The following SDK1 variants were observed in gnomAD, a reference collection of about 807,000 sequenced individuals.
SDK1 encodes the protein sidekick cell adhesion molecule 1.
SDK1 carries 157 observed loss-of-function variants against 245.5 expected under a neutral mutation model. That is an observed-to-expected ratio of 0.64 (90% CI 0.56 to 0.73). SDK1 has a LOEUF of 0.73. Among genes scored for constraint, SDK1 ranks in the 30% least tolerant of loss-of-function variants. The probability of loss-of-function intolerance (pLI) is 0.00; values close to 1 mark genes in which losing one functional copy is unlikely to be tolerated. For synonymous variants in SDK1, 1,647 were observed against 1,278.5 expected (o/e 1.29, Z -6.15); for missense variants, 3,583 against 3,002.3 (o/e 1.19, Z -4.52).
At chr7:3,555,282 C>G (rs903402831) in intron 1 of SDK1, among the ~76,000 whole-genome samples, 2 of 152,124 alleles carry the variant, frequency 1.3e-5, no homozygotes, top group Non-Finnish European at 2.9e-5. Context: ...AATCTATACA[C>G]CTACAGTGAA....
intron 5 of SDK1, among the ~76,000 whole-genome samples, chr7:3,948,928 A>G (rs971118200): frequency 2.0e-5 from 3 of 152,198 alleles, no homozygotes; most frequent in Admixed American, 6.5e-5. Context: ...TTCACTTCAC[A>G]TAACTATTTG....
intron 1 of SDK1, among the ~76,000 whole-genome samples, chr7:3,498,803 G>C (rs755781024): frequency 2.0e-5 from 3 of 148,240 alleles, no homozygotes; most frequent in Non-Finnish European, 3.0e-5. Flanking sequence ...GCATGTTCTT[G>C]TATGCTGATG....
At chr7:3,989,769 C>T (rs1295615194) in intron 14 of SDK1, among the ~76,000 whole-genome samples, 2 of 152,226 alleles carry the variant, frequency 1.3e-5, no homozygotes, top group African/African-American at 4.8e-5. Flanking sequence ...AGATAACTCA[C>T]TTTATTTCTC....
intron 4 of SDK1, among the ~76,000 whole-genome samples, chr7:3,791,430 A>G (rs1179491273): frequency 6.6e-6 from 1 of 152,208 alleles, no homozygotes; most frequent in Non-Finnish European, 1.5e-5. Context: ...GAGCATAAGG[A>G]AAGACTGACT....
intron 35 of SDK1, among the ~76,000 whole-genome samples, chr7:4,197,045 G>A (rs751997334): frequency 6.6e-6 from 1 of 152,210 alleles, no homozygotes; most frequent in Non-Finnish European, 1.5e-5. Context: ...TAATGGGAGT[G>A]GCCTCCAACG....
chr7:3,784,049 G>T (rs927965520), intron 4 of SDK1, among the ~76,000 whole-genome samples: 2 of 151,364 alleles, frequency 1.3e-5, no homozygotes, highest in Non-Finnish European at 2.9e-5. Flanking sequence ...CCATGCATAT[G>T]ATTTAAATTT....
chr7:4,016,062 T>G (rs967304185), intron 16 of SDK1, among the ~76,000 whole-genome samples: 2 of 152,254 alleles, frequency 1.3e-5, no homozygotes, highest in African/African-American at 4.8e-5. Flanking sequence ...GTCAGCAGCC[T>G]TACTGATGTT....
At chr7:3,902,196 G>A (rs774628713) in intron 5 of SDK1, among the ~76,000 whole-genome samples, 7 of 152,152 alleles carry the variant, frequency 4.6e-5, no homozygotes, top group Non-Finnish European at 8.8e-5. Flanking sequence ...AAATGTGCGC[G>A]TGTGCATGTG....
At chr7:4,071,716 A>G (rs1387293875) in intron 20 of SDK1, among the ~76,000 whole-genome samples, 1 of 152,228 alleles carries the variant, frequency 6.6e-6, no homozygotes, top group Non-Finnish European at 1.5e-5. Context: ...TTTCCAGTTC[A>G]GACCCTTCAG....
chr7:4,025,407 G>C (rs973571662), intron 17 of SDK1, among the ~76,000 whole-genome samples: 6 of 152,226 alleles, frequency 3.9e-5, no homozygotes, highest in Admixed American at 1.3e-4. Context: ...GCGGAGGACT[G>C]GGGTGGAGCA....
At chr7:3,517,101 ACTGAAC>A (rs1253912836) in intron 1 of SDK1, among the ~76,000 whole-genome samples, 1 of 152,178 alleles carries the variant, frequency 6.6e-6, no homozygotes, top group African/African-American at 2.4e-5. Context: ...GAAAATCATT[ACTGAAC>A]CTAGTTACAT....
intron 4 of SDK1, among the ~76,000 whole-genome samples, chr7:3,820,723 A>C (rs573059661): frequency 7.2e-5 from 11 of 152,196 alleles, no homozygotes; most frequent in Non-Finnish European, 1.0e-4. Context: ...AAGACAAGCA[A>C]CTTAACTTCT....
intron 4 of SDK1, among the ~76,000 whole-genome samples, chr7:3,684,299 C>A (rs1338521211): frequency 2.0e-5 from 3 of 152,184 alleles, no homozygotes; most frequent in African/African-American, 7.2e-5. Context: ...AGGAACTGAC[C>A]TTCAGTCCCA....
chr7:3,995,507 C>A (rs1784634411), intron 14 of SDK1, among the ~76,000 whole-genome samples: 1 of 152,222 alleles, frequency 6.6e-6, no homozygotes, highest in African/African-American at 2.4e-5. Flanking sequence ...GTTGCCTCAG[C>A]AGTGCTGAAT....
At chr7:3,360,332 A>C (rs141340002) in intron 1 of SDK1, among the ~76,000 whole-genome samples, 1 of 152,296 alleles carries the variant, frequency 6.6e-6, no homozygotes, top group South Asian at 2.1e-4. Context: ...AGATTTTAGG[A>C]ACTACTGGGG....
At chr7:4,073,143 C>T (rs372387075) in intron 20 of SDK1, among the ~76,000 whole-genome samples, 1 of 152,176 alleles carries the variant, frequency 6.6e-6, no homozygotes, top group Non-Finnish European at 1.5e-5. Context: ...GGAGGTACCC[C>T]CGCTCCTGGC....
chr7:3,500,612 A>AT (rs1446399018), intron 1 of SDK1, among the ~76,000 whole-genome samples: 1 of 152,154 alleles, frequency 6.6e-6, no homozygotes, highest in Non-Finnish European at 1.5e-5. Flanking sequence ...TTTCACAATG[A>AT]TACAGCTAAT....
intron 1 of SDK1, among the ~76,000 whole-genome samples, chr7:3,410,108 A>G (rs1196443724): frequency 2.0e-5 from 3 of 152,200 alleles, no homozygotes; most frequent in African/African-American, 7.2e-5. Context: ...AATAAGTAAT[A>G]CTTAAGTGTT....
chr7:4,095,593 G>A (rs935888481), intron 22 of SDK1, among the ~76,000 whole-genome samples: 1 of 151,608 alleles, frequency 6.6e-6, no homozygotes, highest in African/African-American at 2.4e-5. Context: ...TTTTTTCCGA[G>A]ACGGAGTCTC....
Sources: gnomAD v4.1 joint callset for allele counts (sites outside exome capture counted in the v4.1 genomes callset) on GRCh38, gnomAD v4.1.1 for gene constraint, MANE v1.5 for transcripts, NCBI Gene and HGNC (gene_info 2026-07-23, HGNC 2026-07-21) for gene names.